Variants in LRP1B observed in about 807,000 individuals in gnomAD.
LRP1B encodes the protein low-density lipoprotein receptor-related protein 1B.
A neutral mutation model predicts 556.6 loss-of-function variants in LRP1B; 217 were observed. The ratio of observed to expected loss-of-function variants is 0.39; its 90% CI spans 0.35 to 0.44. The LOEUF is 0.44. Among genes scored for constraint, LRP1B ranks in the 20% least tolerant of loss-of-function variants. LRP1B has a pLI of 1.00. For missense variants in LRP1B, 5,053 were observed against 5,620.8 expected, an observed-to-expected ratio of 0.90 and a Z score of 3.23; for synonymous variants, 2,047 against 1,865.8, an observed-to-expected ratio of 1.10 and a Z score of -2.50.
At position 141,168,497 on chromosome 2, in the gene LRP1B, C is replaced by G. The variant is rs560634344; in HGVS notation, c.1013+19924G>C. On this transcript the variant is annotated intron_variant, in intron 7 of 90. Coordinates refer to ENST00000389484, the MANE Select transcript of LRP1B (RefSeq NM_018557.3). ...TTAAATAATCACACTCAATCACTAC[C>G]GAAATTTAAAATCCTGAACCACAAA... is the stretch of plus-strand genomic sequence containing the variant. Among the ~76,000 whole-genome samples, 3 of 151,832 alleles carry G rather than the reference C, an allele frequency of 2.0e-5. No homozygotes were observed. The East Asian group carries it at 5.9e-4, about 30-fold the overall frequency.
intron 35 of LRP1B, among the ~76,000 whole-genome samples, chr2:140,760,990 C>G (rs974934120): frequency 2.0e-5 from 3 of 152,204 alleles, no homozygotes; most frequent in Non-Finnish European, 2.9e-5. Context: ...TCAACTTACT[C>G]TAGAATGGCA....
chr2:142,033,826 A>G (rs1703785656), intron 1 of LRP1B, among the ~76,000 whole-genome samples: 1 of 151,786 alleles, frequency 6.6e-6, no homozygotes, highest in South Asian at 2.1e-4. Flanking sequence ...TTCTATAATA[A>G]TAATTCTCTT....
chr2:141,030,058 C>A (rs1558811230), intron 11 of LRP1B, among the ~76,000 whole-genome samples: 2 of 152,108 alleles, frequency 1.3e-5, no homozygotes, highest in Admixed American at 1.3e-4. Context: ...TTCTCAGACT[C>A]TTTGGTTCAT....
chr2:141,393,032 G>C (rs544689577), intron 3 of LRP1B, among the ~76,000 whole-genome samples: 1 of 152,096 alleles, frequency 6.6e-6, no homozygotes, highest in Non-Finnish European at 1.5e-5. Context: ...ATCTAGTTAT[G>C]ACTCCAAAGC....
At chr2:141,686,048 A>C (rs868112180) in intron 2 of LRP1B, among the ~76,000 whole-genome samples, 8 of 152,118 alleles carry the variant, frequency 5.3e-5, no homozygotes, top group Middle Eastern at 6.8e-3. Flanking sequence ...GGCAAGTAAA[A>C]ATTACCAGCA....
In LRP1B at chr2:141,285,819, C is replaced by G. The variant is rs375595650; in HGVS notation, c.344-31178G>C. The stretch of plus-strand genomic sequence containing the variant: ...CGGTGGCTCACGCCTGTAATCCCAG[C>G]ACTTTGGGAGGCCGAGGCGGGCGGA... On this transcript the variant is annotated intron_variant, in intron 3 of 90. Coordinates refer to ENST00000389484, the MANE Select transcript of LRP1B (RefSeq NM_018557.3). Among the ~76,000 whole-genome samples, 67 of 147,840 alleles carry G rather than the reference C, an allele frequency of 4.5e-4. No homozygotes were observed. In the East Asian group the frequency reaches 0.013, roughly 29 times the overall value.
At chr2:140,700,737 CTTAATT>C (rs1686608284) in intron 40 of LRP1B, 116 bp from the exon 41 acceptor site, 1 of 1,097,648 alleles carries the variant, frequency 9.1e-7, no homozygotes, top group Non-Finnish European at 1.3e-6. Flanking sequence ...TCTTTTTGCT[CTTAATT>C]TTAAGCTGGT....
At chr2:140,762,306 C>T (rs921419729) in intron 35 of LRP1B, among the ~76,000 whole-genome samples, 1 of 152,028 alleles carries the variant, frequency 6.6e-6, no homozygotes, top group African/African-American at 2.4e-5. Flanking sequence ...CTCAAAGCAA[C>T]CAAGTCTTTC....
At chr2:140,472,032 T>A (rs1361796652) in intron 60 of LRP1B, among the ~76,000 whole-genome samples, 2 of 152,210 alleles carry the variant, frequency 1.3e-5, no homozygotes, top group Non-Finnish European at 2.9e-5. Context: ...TTAGCAGTCT[T>A]CAGTACTGCT....
intron 11 of LRP1B, among the ~76,000 whole-genome samples, chr2:141,024,513 T>A (rs1376865165): frequency 1.3e-5 from 2 of 152,012 alleles, no homozygotes; most frequent in Admixed American, 6.6e-5. Context: ...CTCTATGACA[T>A]TCAGTTATTT....
chr2:140,516,676 TA>T (rs1475029537), intron 50 of LRP1B, among the ~76,000 whole-genome samples: 3 of 152,108 alleles, frequency 2.0e-5, no homozygotes, highest in Admixed American at 1.3e-4. Flanking sequence ...AAACAGAGGT[TA>T]AAAGAAAAGT....
rs1230609625 is a variant in LRP1B at position 140,950,287 on chromosome 2, G to T, written c.3084C>A (p.Asp1028Glu). 3 of 1,612,488 alleles carry T rather than the reference G, an allele frequency of 1.9e-6. No homozygotes were observed. Among genetic ancestry groups the T allele is most frequent in the Non-Finnish European group, 2.5e-6 (3 of 1,179,254 alleles). The change falls in exon 20 of 91, where the codon GAC (aspartate) becomes GAA (glutamate). Residue 1028 changes from aspartate to glutamate, a missense_variant. Around this residue, in one of 5 missense-constraint regions of LRP1B, gnomAD observed 3,619 missense variants for 3,931.9 expected, o/e 0.92. Transcript: ENST00000389484. ...CATCACTGAAGTCCCCACAGTCATT[G>T]TCACCATCACAGGCCCAGTGGCCTG... ...CIPGHWACDG[D>E]NDCGDFSDEA...
At chr2:140,776,021 G>A in intron 33 of LRP1B, 77 bp downstream of exon 33, 1 of 1,196,906 alleles carries the variant, frequency 8.4e-7, no homozygotes, top group Non-Finnish European at 1.2e-6. Context: ...ACCTTTTATT[G>A]TTGAATTGAG....
At chr2:141,888,029 A>T (rs181950174) in intron 1 of LRP1B, among the ~76,000 whole-genome samples, 7 of 152,324 alleles carry the variant, frequency 4.6e-5, no homozygotes, top group African/African-American at 1.7e-4. Context: ...TATTAATATC[A>T]TAAATTGCAA....
At chr2:140,713,899 T>G (rs1280402900) in intron 37 of LRP1B, among the ~76,000 whole-genome samples, 1 of 152,136 alleles carries the variant, frequency 6.6e-6, no homozygotes, top group Non-Finnish European at 1.5e-5. Flanking sequence ...ACCCTCATTT[T>G]TACTACCTGC....
intron 1 of LRP1B, among the ~76,000 whole-genome samples, chr2:141,856,687 C>T (rs920036021): frequency 1.3e-5 from 2 of 152,070 alleles, no homozygotes; most frequent in Admixed American, 1.3e-4. Flanking sequence ...CAAGGTGATG[C>T]ACATTAGAAG....
intron 60 of LRP1B, among the ~76,000 whole-genome samples, chr2:140,464,044 A>C (rs1226872923): frequency 6.6e-6 from 1 of 151,882 alleles, no homozygotes; most frequent in Non-Finnish European, 1.5e-5. Flanking sequence ...AAAAATACAA[A>C]AATTAGCCAG....
At chr2:141,943,204 A>T (rs1287793688) in intron 1 of LRP1B, among the ~76,000 whole-genome samples, 1 of 152,194 alleles carries the variant, frequency 6.6e-6, no homozygotes, top group Non-Finnish European at 1.5e-5. Context: ...GCAATCATTT[A>T]AAAATAGACT....
intron 2 of LRP1B, among the ~76,000 whole-genome samples, chr2:141,576,806 C>T (rs1686767978): frequency 6.9e-6 from 1 of 145,606 alleles, no homozygotes; most frequent in South Asian, 2.2e-4. Context: ...CATTAATACT[C>T]AGGTCTTTTC....
Sources: allele counts gnomAD v4.1 joint callset (sites outside exome capture counted in the v4.1 genomes callset), GRCh38; gene constraint gnomAD v4.1.1; regional missense constraint gnomAD v4.1.1; transcripts MANE v1.5; gene names NCBI Gene and HGNC (gene_info 2026-07-23, HGNC 2026-07-21).